Variants in CMTM7 observed in about 807,000 individuals in gnomAD.
CMTM7 encodes the protein CKLF-like MARVEL transmembrane domain-containing protein 7.
CMTM7 carries 7 observed loss-of-function variants against 19.3 expected under a neutral mutation model. The observed-to-expected ratio is 0.36, with a 90% CI of 0.21 to 0.68. The LOEUF is 0.68. CMTM7 is among the 30% of genes least tolerant of loss of function. CMTM7 has a pLI of 0.60. For missense variants in CMTM7, 193 were observed against 232.6 expected (o/e 0.83, Z 1.11); for synonymous variants, 87 against 99.3 (o/e 0.88, Z 0.74).
At chr3:32,434,040 A>G (rs1397217263) in intron 1 of CMTM7, among the ~76,000 whole-genome samples, 2 of 152,004 alleles carry the variant, frequency 1.3e-5, no homozygotes, top group African/African-American at 4.8e-5. Context: ...TACAAAAAAA[A>G]TAGCTGGGCC....
At chr3:32,427,780 G>A (rs995969154) in intron 1 of CMTM7, among the ~76,000 whole-genome samples, 1 of 152,178 alleles carries the variant, frequency 6.6e-6, no homozygotes, top group Non-Finnish European at 1.5e-5. Flanking sequence ...CATGGGTCAC[G>A]CATGGGAAAG....
At chr3:32,403,270 A>G (rs1423517774) in intron 1 of CMTM7, among the ~76,000 whole-genome samples, 2 of 152,158 alleles carry the variant, frequency 1.3e-5, no homozygotes, top group Admixed American at 6.5e-5. Context: ...GCTGGAGTGC[A>G]GTGGTGCTAT....
At chr3:32,422,138 A>G (rs1043189550) in intron 1 of CMTM7, among the ~76,000 whole-genome samples, 7 of 152,180 alleles carry the variant, frequency 4.6e-5, no homozygotes, top group African/African-American at 1.7e-4. Flanking sequence ...CAACGTGATG[A>G]TCACACGTTC....
chr3:32,447,168 C>A (rs555643782), intron 2 of CMTM7, among the ~76,000 whole-genome samples: 1 of 151,484 alleles, frequency 6.6e-6, no homozygotes, highest in East Asian at 1.9e-4. Flanking sequence ...GATTTTTTTT[C>A]TTTGATCCAT....
chr3:32,452,119 AC>A (rs1696841317), intron 3 of CMTM7: 1 of 1,456,952 alleles, frequency 6.9e-7, no homozygotes. Context: ...GTAAACCCAG[AC>A]CAGGCACTGA....
At chr3:32,418,287 G>T (rs1312632181) in intron 1 of CMTM7, among the ~76,000 whole-genome samples, 8 of 152,038 alleles carry the variant, frequency 5.3e-5, no homozygotes, top group Non-Finnish European at 1.2e-4. Context: ...TTTGAGTATT[G>T]TTCGTATATT....
At chr3:32,396,728 A>G (rs893893669) in intron 1 of CMTM7, among the ~76,000 whole-genome samples, 5 of 152,214 alleles carry the variant, frequency 3.3e-5, no homozygotes, top group African/African-American at 9.6e-5. Flanking sequence ...TGGTGTTCCC[A>G]CCACATCCAC....
At chr3:32,452,103 G>A (rs750268651) in intron 3 of CMTM7, 8 of 1,432,480 alleles carry the variant, frequency 5.6e-6, no homozygotes, top group Non-Finnish European at 7.4e-6. Flanking sequence ...CAGCTTGCTT[G>A]TAAATGTAAA....
intron 1 of CMTM7, among the ~76,000 whole-genome samples, chr3:32,413,292 T>C (rs1696207990): frequency 6.6e-6 from 1 of 152,256 alleles, no homozygotes; most frequent in African/African-American, 2.4e-5. Context: ...TTAAGATAAA[T>C]TCTGAGAGAT....
intron 1 of CMTM7, among the ~76,000 whole-genome samples, chr3:32,404,481 T>G (rs960917715): frequency 6.6e-6 from 1 of 152,174 alleles, no homozygotes; most frequent in Non-Finnish European, 1.5e-5. Flanking sequence ...TTCTAATGAC[T>G]CTGTGGAGTA....
chr3:32,401,588 T>A (rs1575108498), intron 1 of CMTM7, among the ~76,000 whole-genome samples: 1 of 152,262 alleles, frequency 6.6e-6, no homozygotes, highest in Non-Finnish European at 1.5e-5. Context: ...CCTTCTGTCT[T>A]CCTGCCAGCC....
At chr3:32,396,367 TGTG>T (rs1232740971) in intron 1 of CMTM7, among the ~76,000 whole-genome samples, 1 of 151,904 alleles carries the variant, frequency 6.6e-6, no homozygotes, top group African/African-American at 2.4e-5. Context: ...ATTAGCTGGA[TGTG>T]GTGGCAGGTG....
At chr3:32,433,813 A>G (rs1696555031) in intron 1 of CMTM7, among the ~76,000 whole-genome samples, 1 of 152,200 alleles carries the variant, frequency 6.6e-6, no homozygotes, top group Admixed American at 6.5e-5. Flanking sequence ...TGAGCTGTCC[A>G]GAAGATAGGT....
intron 1 of CMTM7, among the ~76,000 whole-genome samples, chr3:32,420,100 C>T (rs990598351): frequency 1.3e-5 from 2 of 152,206 alleles, no homozygotes; most frequent in African/African-American, 4.8e-5. Flanking sequence ...AGTGCTGGGT[C>T]CCTGTTGTCA....
intron 1 of CMTM7, among the ~76,000 whole-genome samples, chr3:32,439,635 G>A (rs1696646932): frequency 6.6e-6 from 1 of 152,128 alleles, no homozygotes; most frequent in Admixed American, 6.5e-5. Flanking sequence ...TGTATTTTTT[G>A]TAGAGACAGG....
chr3:32,454,508 T>C lies in CMTM7; in HGVS notation c.*254T>C, dbSNP rs779534935. On this transcript the variant is annotated 3_prime_UTR_variant, in exon 5 of 5. Transcript: ENST00000334983. ...GAAAGGAAAGCAGCCTCCAGGGAAA[T>C]GTTTTCTGCCTTCCTGCTTCTAGAA... 2 of 689,028 alleles carry C rather than the reference T, an allele frequency of 2.9e-6. No individual in the cohort carries two copies. Among genetic ancestry groups the C allele is most frequent in the African/African-American group, 3.5e-5 (2 of 56,960 alleles). 42.7% of individuals were successfully genotyped at this position (689,028 alleles called of 1,614,324 possible). A position where few individuals can be genotyped will look rare whatever the true frequency, so the allele number is the denominator to read the frequency against.
rs75484908 is a variant in CMTM7, at chr3:32,406,191, T to C, written c.159+14126T>C. 1.2e-3 allele frequency among the ~76,000 whole-genome samples: 179 copies of C among 152,356 alleles called. 2 individuals are homozygous for C. The East Asian group carries it at 0.018, about 15-fold the overall frequency. ...AGAAGGTGTCCGCATTCTCCTCCTT[T>C]TTTATAGCTGCATTGTATTCCAGAG... On this transcript the variant is annotated intron_variant, in intron 1 of 4. Coordinates refer to ENST00000334983, the MANE Select transcript of CMTM7 (RefSeq NM_138410.4).
intron 1 of CMTM7, among the ~76,000 whole-genome samples, chr3:32,410,456 CT>C (rs1158879766): frequency 1.3e-5 from 2 of 152,216 alleles, no homozygotes; most frequent in Non-Finnish European, 2.9e-5. Flanking sequence ...GCTTGAGAGA[CT>C]TGGGTCTTCT....
chr3:32,450,725 G>A (rs7625837), intron 3 of CMTM7, among the ~76,000 whole-genome samples: 2,302 of 152,246 alleles, frequency 0.015, 55 homozygotes, highest in African/African-American at 0.053. Flanking sequence ...GCAGGGTACT[G>A]GAAGAGGCAC....
Sources: gnomAD v4.1 joint callset for allele counts (sites outside exome capture counted in the v4.1 genomes callset) on GRCh38, gnomAD v4.1.1 for gene constraint, MANE v1.5 for transcripts, NCBI Gene and HGNC (gene_info 2026-07-23, HGNC 2026-07-21) for gene names.